The following ABHD2 variants were observed in gnomAD, a reference collection of about 807,000 sequenced individuals.
ABHD2 encodes abhydrolase domain containing 2, acylglycerol lipase.
In ABHD2, 20 loss-of-function variants were observed where a neutral mutation model predicts 48.1. The observed-to-expected ratio is 0.42, with a 90% CI of 0.29 to 0.60. The LOEUF (loss-of-function observed/expected upper bound fraction) is 0.60. Among genes scored for constraint, ABHD2 ranks in the 20% least tolerant of loss-of-function variants. The probability of loss-of-function intolerance (pLI) is 0.24; values close to 1 mark genes in which losing one functional copy is unlikely to be tolerated. For missense variants in ABHD2, 405 were observed against 550.9 expected (o/e 0.74, Z 2.65); for synonymous variants, 209 against 214.2 (o/e 0.98, Z 0.21).
At chr15:89,068,754 C>CTT in the ABHD2 span, among the ~76,000 whole-genome samples, 339 of 71,358 alleles carry the variant, frequency 4.8e-3, 48 homozygotes, top group Middle Eastern at 0.025. Context: ...CAAGCTTCCT[C>CTT]TTTTTTTTTT....
At chr15:89,046,258 T>C in the ABHD2 span, among the ~76,000 whole-genome samples, 25,282 of 152,186 alleles carry the variant, frequency 0.17, 2,300 homozygotes, top group South Asian at 0.32. Flanking sequence ...CACTTGATCA[T>C]GGTGGATAAG....
At chr15:89,134,180 G>T (rs1462044244) in intron 3 of ABHD2, among the ~76,000 whole-genome samples, 1 of 152,052 alleles carries the variant, frequency 6.6e-6, no homozygotes, top group Non-Finnish European at 1.5e-5. Flanking sequence ...TTTTTCAATT[G>T]TTTCTTTTGT....
chr15:89,061,578 A>T, the ABHD2 span, among the ~76,000 whole-genome samples: 11 of 150,408 alleles, frequency 7.3e-5, no homozygotes, highest in African/African-American at 2.4e-4. Flanking sequence ...ACAGATCTGT[A>T]TTTTTTTTTT....
chr15:89,178,461 C>T (rs571187982), intron 6 of ABHD2, among the ~76,000 whole-genome samples: 3 of 152,196 alleles, frequency 2.0e-5, no homozygotes, highest in South Asian at 2.1e-4. Context: ...AGGGGCCACA[C>T]GAGAGTTCAT....
chr15:89,149,983 G>A (rs954496079), intron 3 of ABHD2, among the ~76,000 whole-genome samples: 1 of 152,160 alleles, frequency 6.6e-6, no homozygotes, highest in African/African-American at 2.4e-5. Flanking sequence ...AAGATTTTGA[G>A]GAGGGGACCT....
the ABHD2 span, among the ~76,000 whole-genome samples, chr15:89,043,619 A>T: frequency 7.5e-6 from 1 of 133,014 alleles, no homozygotes; most frequent in African/African-American, 2.8e-5. Context: ...GGAGACGAGG[A>T]GGCGGAAGGA....
rs369238058 is a variant in ABHD2 at position 89,195,545 on chromosome 15, G to T, written c.*122G>T. 3 of 1,075,054 alleles carry T rather than the reference G, an allele frequency of 2.8e-6. No homozygotes were observed. In the African/African-American group the frequency reaches 4.8e-5, roughly 17 times the overall value. The allele number at this position is 1,075,054 out of a possible 1,614,324, so 66.6% of individuals were successfully genotyped here. A position where few individuals can be genotyped will look rare whatever the true frequency, so the allele number is the denominator to read the frequency against. On this transcript the variant is annotated 3_prime_UTR_variant, in exon 11 of 11. Transcript: ENST00000352732. This position sits in a 1 kb window ranked among gnomAD's most constrained non-coding sequence, Gnocchi z 5.1. ...TCTGACCTCACACCATCAGCAGGGG[G>T]CACCCACCATGCACACCTGTCTCGG... is the stretch of plus-strand genomic sequence containing the variant.
chr15:89,061,377 C>G, the ABHD2 span, among the ~76,000 whole-genome samples: 26,191 of 151,838 alleles, frequency 0.17, 2,433 homozygotes, highest in Middle Eastern at 0.19. Flanking sequence ...GAGATCACAC[C>G]ATTGCACTCC....
the ABHD2 span, among the ~76,000 whole-genome samples, chr15:89,067,104 G>A: frequency 1.5e-4 from 22 of 151,474 alleles, no homozygotes; most frequent in African/African-American, 4.8e-4. Flanking sequence ...TGGGGGCTAC[G>A]AAGTCCAGTG....
rs1363597884 is a variant in ABHD2, at chr15:89,092,524, C to T, written c.-107+3961C>T. On this transcript the variant is annotated intron_variant, in intron 1 of 10. Coordinates refer to ENST00000352732, the MANE Select transcript of ABHD2 (RefSeq NM_152924.5). The surrounding 1 kb of genome is among the most constrained non-coding windows in gnomAD (Gnocchi z 4.4). ...TTTTTAAAAATAGGCAATACATTCA[C>T]ATGATGAAAGAAAATTTTTTAAAGG... Among the ~76,000 whole-genome samples the T allele has an allele frequency of 6.6e-6, 1 of 152,126 alleles. No homozygotes were observed. The highest frequency in any genetic ancestry group is 1.5e-5 in the Non-Finnish European group (1 of 68,016).
At chr15:89,124,230 A>G (rs1194970751) in intron 3 of ABHD2, among the ~76,000 whole-genome samples, 1 of 152,248 alleles carries the variant, frequency 6.6e-6, no homozygotes, top group East Asian at 1.9e-4. Context: ...GACTCCATAT[A>G]TGAAACGGCC....
intron 3 of ABHD2, among the ~76,000 whole-genome samples, chr15:89,149,052 A>G (rs72760654): frequency 2.0e-5 from 3 of 152,298 alleles, no homozygotes; most frequent in Non-Finnish European, 4.4e-5. Flanking sequence ...TAAAAATTCA[A>G]TTTTGTAAAC....
At chr15:89,051,851 G>A in the ABHD2 span, among the ~76,000 whole-genome samples, 11 of 152,182 alleles carry the variant, frequency 7.2e-5, no homozygotes, top group Non-Finnish European at 1.0e-4. Context: ...TATTAACAGC[G>A]TGAGAACAAA....
Position 89,195,163 on chromosome 15 carries a change from C to G in ABHD2, c.1082-64C>G. The G allele has an allele frequency of 6.4e-7, 1 of 1,561,734 alleles. No individual in the cohort carries two copies. Among genetic ancestry groups the G allele is most frequent in the Non-Finnish European group, 8.7e-7 (1 of 1,151,302 alleles). The stretch of plus-strand genomic sequence containing the variant: ...CCAGGCTACCCTAGCCAGCTCACCT[C>G]TGCACCTCCTGTCCTGGAGCAAACT... On this transcript the variant is annotated intron_variant, in intron 10 of 10. Coordinates refer to ENST00000352732, the MANE Select transcript of ABHD2 (RefSeq NM_152924.5). This position sits in a 1 kb window ranked among gnomAD's most constrained non-coding sequence, Gnocchi z 5.1.
At chr15:89,119,358 C>G (rs2050012078) in intron 3 of ABHD2, among the ~76,000 whole-genome samples, 2 of 152,194 alleles carry the variant, frequency 1.3e-5, no homozygotes, top group South Asian at 4.1e-4. Context: ...CATCCTTCAA[C>G]TCACCTCTTA....
the ABHD2 span, among the ~76,000 whole-genome samples, chr15:89,066,559 G>A: frequency 2.0e-5 from 3 of 152,050 alleles, no homozygotes; most frequent in Admixed American, 6.6e-5. Flanking sequence ...ATATATTTTG[G>A]GGGGACACAA....
At chr15:89,062,280 G>T in the ABHD2 span, among the ~76,000 whole-genome samples, 1 of 152,008 alleles carries the variant, frequency 6.6e-6, no homozygotes, top group African/African-American at 2.4e-5. Context: ...GAATATAAAG[G>T]TTGTTCGGGC....
intron 4 of ABHD2, among the ~76,000 whole-genome samples, chr15:89,154,976 T>C (rs535827008): frequency 4.6e-5 from 7 of 152,362 alleles, no homozygotes; most frequent in East Asian, 1.9e-4. Context: ...TTCATTCATA[T>C]AGAATTTCTT....
the ABHD2 span, among the ~76,000 whole-genome samples, chr15:89,042,672 A>T: frequency 6.7e-6 from 1 of 149,470 alleles, no homozygotes; most frequent in Admixed American, 6.7e-5. Flanking sequence ...TTCGAGACAG[A>T]GTCTTGCTCT....
Sources: allele counts gnomAD v4.1 joint callset (sites outside exome capture counted in the v4.1 genomes callset), GRCh38; gene constraint gnomAD v4.1.1; non-coding constraint Gnocchi (gnomAD v3.1); transcripts MANE v1.5; gene names NCBI Gene and HGNC (gene_info 2026-07-23, HGNC 2026-07-21).